DOP1A: variants seen among roughly 807,000 people sequenced by gnomAD.
The protein encoded by DOP1A is protein DOP1A.
Under a neutral mutation model 267.6 loss-of-function variants are expected in DOP1A, and 90 were observed. The ratio of observed to expected loss-of-function variants is 0.34; its 90% CI spans 0.28 to 0.40. The LOEUF is 0.40. Among genes scored for constraint, DOP1A ranks in the 10% least tolerant of loss-of-function variants. DOP1A has a pLI of 1.00. For missense variants in DOP1A, 2,437 were observed against 2,900.4 expected (o/e 0.84, Z 3.67); for synonymous variants, 932 against 999.1 (o/e 0.93, Z 1.27).
intron 15 of DOP1A, among the ~76,000 whole-genome samples, chr6:83,126,871 A>T (rs900001260): frequency 2.6e-5 from 4 of 152,240 alleles, no homozygotes; most frequent in African/African-American, 9.6e-5. Flanking sequence ...TTATTGCCCA[A>T]ATCAGTCTCA....
chr6:83,110,926 C>G (rs1774444142), intron 6 of DOP1A, among the ~76,000 whole-genome samples: 1 of 152,082 alleles, frequency 6.6e-6, no homozygotes, highest in South Asian at 2.1e-4. Context: ...TGAATTTTGG[C>G]AAGCACGTAG....
chr6:83,169,062 C>G (rs558298048), downstream of DOP1A: 168 of 1,412,668 alleles, frequency 1.2e-4, 1 homozygote, highest in South Asian at 2.5e-3. Context: ...GTAAGGCTTA[C>G]CTATTTATAA....
chr6:83,128,159 A>G (rs1777486440), intron 15 of DOP1A, among the ~76,000 whole-genome samples: 1 of 152,208 alleles, frequency 6.6e-6, no homozygotes, highest in African/African-American at 2.4e-5. Flanking sequence ...TCATGATGCT[A>G]TTATATTCTG....
chr6:83,091,167 C>A (rs906526608), intron 1 of DOP1A, among the ~76,000 whole-genome samples: 1 of 151,844 alleles, frequency 6.6e-6, no homozygotes, highest in Non-Finnish European at 1.5e-5. Flanking sequence ...CAGATCTCAC[C>A]CACCACCATG....
intron 24 of DOP1A, among the ~76,000 whole-genome samples, chr6:83,144,018 A>T (rs1780069615): frequency 6.6e-6 from 1 of 152,196 alleles, no homozygotes; most frequent in African/African-American, 2.4e-5. Flanking sequence ...CAACACTGGG[A>T]ATTTTGATGG....
At chr6:83,170,581 T>G, downstream of DOP1A, 1 of 892,316 alleles carries the variant, frequency 1.1e-6, no homozygotes, top group Non-Finnish European at 1.7e-6. Flanking sequence ...AAATATAAAA[T>G]TACATTAAAA....
chr6:83,129,161 G>C lies in DOP1A; in HGVS notation c.1994G>C (p.Ser665Thr). The C allele has an allele frequency of 6.2e-7, 1 of 1,612,910 alleles. No individual in the cohort carries two copies. The highest frequency in any genetic ancestry group is 2.2e-5 in the East Asian group (1 of 44,860). The change falls in exon 16 of 39, where the codon AGT (serine) becomes ACT (threonine). Residue 665 changes from serine to threonine, a missense_variant. Transcript: ENST00000349129. ...SVVTQGTATR[S>T]RKTAQKTAMQ... ...GTCACTCAGGGGACAGCAACCCGAAGTAGGAAGACAGCCCAAAAGACTGCA... is the reference window on the plus strand; with the variant it reads ...GTCACTCAGGGGACAGCAACCCGAACTAGGAAGACAGCCCAAAAGACTGCA...
At chr6:83,120,069 T>G (rs912461320) in intron 9 of DOP1A, among the ~76,000 whole-genome samples, 1 of 151,998 alleles carries the variant, frequency 6.6e-6, no homozygotes, top group Non-Finnish European at 1.5e-5. Context: ...TTTTTTCTCT[T>G]ACTTTGTTGT....
intron 27 of DOP1A, among the ~76,000 whole-genome samples, chr6:83,149,796 G>A (rs1243338104): frequency 2.0e-5 from 3 of 152,112 alleles, no homozygotes; most frequent in African/African-American, 7.2e-5. Context: ...CAGCAAAGGA[G>A]ATAGAAAGGG....
rs750866028 is a variant in DOP1A, at chr6:83,156,024, T to C, written c.6525T>C (p.Ala2175=). The C allele has an allele frequency of 1.2e-5, 19 of 1,614,108 alleles. No homozygotes were observed. In the East Asian group the frequency reaches 4.2e-4, roughly 36 times the overall value. The change falls in exon 34 of 39, where the codon GCT becomes GCC. Residue 2175 remains alanine, a synonymous_variant. Coordinates refer to ENST00000349129, the MANE Select transcript of DOP1A (RefSeq NM_015018.4). ...ANRDVELEQR[A]MLLKRLAFAI... ...GTGATGTGGAGCTAGAACAGAGAGC[T>C]ATGCTTCTTAAAAGATTAGCATTTG... is the stretch of plus-strand genomic sequence containing the variant.
chr6:83,167,714 C>A, intron 38 of DOP1A, 148 bp from the exon 39 acceptor site: 2 of 1,401,386 alleles, frequency 1.4e-6, no homozygotes, highest in Non-Finnish European at 1.9e-6. Context: ...TCAGAAGCAC[C>A]AAGGGTTTTG....
At chr6:83,086,179 T>C (rs1334438905) in intron 1 of DOP1A, among the ~76,000 whole-genome samples, 2 of 152,156 alleles carry the variant, frequency 1.3e-5, no homozygotes, top group African/African-American at 4.8e-5. Flanking sequence ...CCCCAAAAAC[T>C]TTACTAATAG....
chr6:83,138,702 G>C lies in DOP1A; in HGVS notation c.4660G>C (p.Ala1554Pro). ...SEKMAGKNLV[A>P]VEEGFSEDSL... ...AAAAATGGCAGGTAAGAACCTGGTT[G>C]CTGTGGAAGAAGGTTTCTCAGAGGA... The change falls in exon 21 of 39, where the codon GCT (alanine) becomes CCT (proline). Residue 1554 changes from alanine (A) to proline (P), a missense_variant. Coordinates refer to ENST00000349129, the MANE Select transcript of DOP1A (RefSeq NM_015018.4). The C allele has an allele frequency of 6.2e-7, 1 of 1,613,990 alleles. No homozygotes were observed. The highest frequency in any genetic ancestry group is 8.5e-7 in the Non-Finnish European group (1 of 1,179,928).
At chr6:83,096,640 GAAAT>G (rs1311868680) in intron 1 of DOP1A, 87 bp from the exon 2 acceptor site, 3 of 408,066 alleles carry the variant, frequency 7.4e-6, no homozygotes, top group Non-Finnish European at 1.3e-5. Flanking sequence ...ATATGACAGA[GAAAT>G]AACATGATTC....
At chr6:83,100,977 T>G in intron 4 of DOP1A, 91 bp downstream of exon 4, 1 of 819,552 alleles carries the variant, frequency 1.2e-6, no homozygotes, top group Non-Finnish European at 1.7e-6. Flanking sequence ...AACTAAAAAT[T>G]GAAAACTCCT....
chr6:83,078,635 C>G (rs773570602), intron 1 of DOP1A, among the ~76,000 whole-genome samples: 47 of 152,148 alleles, frequency 3.1e-4, no homozygotes, highest in Non-Finnish European at 2.9e-5. Flanking sequence ...AATAGCAGTG[C>G]TTGACAGACT....
chr6:83,110,280 A>G lies in DOP1A; in HGVS notation c.647A>G (p.Gln216Arg). 6.2e-7 allele frequency: 1 copy of G among 1,613,696 alleles called. No homozygotes were observed. Among genetic ancestry groups the G allele is most frequent in the Non-Finnish European group, 8.5e-7 (1 of 1,179,888 alleles). Reference protein sequence around the residue: ...HLNRKLSMEDQLYIIGSDIEL... With the variant: ...HLNRKLSMEDRLYIIGSDIEL... ...AACAGGAAGCTTTCTATGGAAGATC[A>G]ACTTTATATAATTGGCAGTGATATT... The change falls in exon 6 of 39, where the codon CAA becomes CGA. Residue 216 changes from glutamine to arginine, a missense_variant. By Grantham distance (43) the Gln-to-Arg change is conservative. This residue lies in a region of DOP1A where 251 missense variants were observed against 359.1 expected (regional missense o/e 0.70). Transcript: ENST00000349129.
intron 27 of DOP1A, among the ~76,000 whole-genome samples, chr6:83,149,487 C>T (rs1781204107): frequency 6.6e-6 from 1 of 152,044 alleles, no homozygotes. Context: ...AGTACCTTGT[C>T]TGATTTGGTA....
Position 83,152,380 on chromosome 6 carries a change from CT to C in DOP1A, c.6129+18del, listed in dbSNP as rs34997289. On this transcript the variant is annotated intron_variant, in intron 30 of 38. Transcript: ENST00000349129. ...ATTACTCTCTGAGGTAAATATTAAG[CT>C]TTTTCACATGAACTCTCAAGTAGAC... is the stretch of plus-strand genomic sequence containing the variant. 3.0e-6 allele frequency: 4 copies of C among 1,324,978 alleles called. No homozygotes were observed. The highest frequency in any genetic ancestry group is 1.0e-6 in the Non-Finnish European group (1 of 982,440). 82.1% of individuals were successfully genotyped at this position (1,324,978 alleles called of 1,614,324 possible).
Sources: gnomAD v4.1 joint callset for allele counts (sites outside exome capture counted in the v4.1 genomes callset) on GRCh38, gnomAD v4.1.1 for gene constraint, gnomAD v4.1.1 regional missense constraint, MANE v1.5 for transcripts, NCBI Gene and HGNC (gene_info 2026-07-23, HGNC 2026-07-21) for gene names.